ADAMTS13: variants seen among roughly 807,000 people sequenced by gnomAD.
ADAMTS13 encodes the protein ADAM metallopeptidase with thrombospondin type 1 motif 13, also known as A disintegrin and metalloproteinase with thrombospondin motifs 13.
A neutral mutation model predicts 155.1 loss-of-function variants in ADAMTS13; 110 were observed. That is an observed-to-expected ratio of 0.71 (90% CI 0.61 to 0.83). The LOEUF (loss-of-function observed/expected upper bound fraction) is 0.83, where lower values mean the gene tolerates loss of function less well. Ranked by LOEUF, ADAMTS13 falls within the 40% of genes least tolerant of loss-of-function variation. The probability of loss-of-function intolerance (pLI) is 0.00; values close to 1 mark genes in which losing one functional copy is unlikely to be tolerated. For missense variants in ADAMTS13, 1,707 were observed against 1,891.7 expected, an observed-to-expected ratio of 0.90 and a Z score of 1.81; for synonymous variants, 758 against 756.4, an observed-to-expected ratio of 1.00 and a Z score of -0.03.
Position 133,456,608 on chromosome 9 carries a change from A to T in ADAMTS13, c.3613A>T (p.Thr1205Ser), listed in dbSNP as rs1399414129. The change falls in exon 27 of 29, where the codon ACT becomes TCT. Residue 1205 changes from threonine to serine, a missense_variant. Thr to Ser is a moderately conservative substitution (Grantham distance 58, BLOSUM62 1). Transcript: ENST00000355699. The surrounding 1 kb of genome is among the most constrained non-coding windows in gnomAD (Gnocchi z 4.4). ...RKMCRKLLDM[T>S]FSSKTNTLVV... ...GATGTGCAGGAAGCTGTTGGACATG[A>T]CTTTCAGCTCCAAGACCAACACGCT... The T allele has an allele frequency of 6.2e-7, 1 of 1,612,888 alleles. No individual in the cohort carries two copies. Among genetic ancestry groups the T allele is most frequent in the East Asian group, 2.2e-5 (1 of 44,870 alleles).
chr9:133,435,170 G>GA (rs1248698411), intron 11 of ADAMTS13, among the ~76,000 whole-genome samples: 1 of 151,130 alleles, frequency 6.6e-6, no homozygotes, highest in Admixed American at 6.6e-5. Flanking sequence ...TATGGGAATT[G>GA]TATGTTTGAC....
intron 11 of ADAMTS13, among the ~76,000 whole-genome samples, chr9:133,435,205 T>C (rs1482283029): frequency 6.6e-6 from 1 of 151,306 alleles, no homozygotes; most frequent in African/African-American, 2.4e-5. Flanking sequence ...TTTTTTTTTT[T>C]GAGACAGAGT....
rs1564414135 is a variant in ADAMTS13, at chr9:133,429,995, GGCACCCGCCGGATGCGC to G, written c.882_898del (p.His295AlafsTer89). On this transcript the variant is annotated frameshift_variant, in exon 8 of 29. Transcript: ENST00000355699. LOFTEE classifies it high-confidence loss of function. ...CCGCGGCCTCAACCCGGGTCCGCGGGGCACCCGCCGGATGCGCAGCCTGGCCTCTACTACAGCGCCAA... is the reference window on the plus strand; with the variant it reads ...CCGCGGCCTCAACCCGGGTCCGCGGGAGCCTGGCCTCTACTACAGCGCCAA... 6.4e-7 allele frequency: 1 copy of G among 1,561,602 alleles called. No homozygotes were observed.
At chr9:133,422,115 C>T, upstream of ADAMTS13, 1 of 371,564 alleles carries the variant, frequency 2.7e-6, no homozygotes, top group South Asian at 4.5e-5. Context: ...GGTTTCTGGT[C>T]CAGTGTCCCT....
chr9:133,415,199 T>C (rs1554781298), intron 1 of ADAMTS13, among the ~76,000 whole-genome samples: 1 of 152,208 alleles, frequency 6.6e-6, no homozygotes, highest in Non-Finnish European at 1.5e-5. Context: ...CATGGGTCAC[T>C]TGTGGTGAAA....
At chr9:133,436,797 G>A (rs587684754) in intron 11 of ADAMTS13, 32 bp from the exon 12 acceptor site, 10 of 1,049,518 alleles carry the variant, frequency 9.5e-6, no homozygotes, top group Middle Eastern at 2.3e-4. Flanking sequence ...CCGCCCCACC[G>A]CCATCCCCCT....
Position 133,428,650 on chromosome 9 carries a change from G to A in ADAMTS13, c.703G>A (p.Asp235Asn), listed in dbSNP as rs281875337. The change falls in exon 7 of 29, where the codon GAC becomes AAC. Residue 235 changes from aspartate to asparagine, a missense_variant. By Grantham distance (23) the Asp-to-Asn change is conservative. This residue lies in a region of ADAMTS13 where 733 missense variants were observed against 749.6 expected (regional missense o/e 0.98). Transcript: ENST00000355699. Reference protein sequence around the residue: ...EIGHSFGLEHDGAPGSGCGPS... With the variant: ...EIGHSFGLEHNGAPGSGCGPS... ...CCCGACCAGCTTCGGCCTGGAGCAC[G>A]ACGGCGCGCCCGGCAGCGGCTGCGG... The A allele has an allele frequency of 2.3e-6, 3 of 1,315,864 alleles. No individual in the cohort carries two copies. The highest frequency in any genetic ancestry group is 2.9e-6 in the Non-Finnish European group (3 of 1,025,256). 81.5% of individuals were successfully genotyped at this position (1,315,864 alleles called of 1,614,324 possible).
chr9:133,416,304 C>A (rs1839597094), intron 1 of ADAMTS13, among the ~76,000 whole-genome samples: 1 of 152,208 alleles, frequency 6.6e-6, no homozygotes, highest in South Asian at 2.1e-4. Flanking sequence ...CATGAGGGAT[C>A]TACCCCCATG....
At chr9:133,443,266 G>A in intron 18 of ADAMTS13, 110 bp from the exon 19 acceptor site, 1 of 1,358,594 alleles carries the variant, frequency 7.4e-7, no homozygotes, top group Non-Finnish European at 1.0e-6. Flanking sequence ...GCTGGCCGTA[G>A]TGCCCATTGC....
chr9:133,424,302 TCTCCCTCTCCCC>T lies in ADAMTS13; in HGVS notation c.173-14_173-3del, dbSNP rs781838309. The T allele has an allele frequency of 3.1e-6, 5 of 1,610,518 alleles. No individual in the cohort carries two copies. The highest frequency in any genetic ancestry group is 4.2e-6 in the Non-Finnish European group (5 of 1,179,790). On this transcript the variant is annotated splice_region_variant and splice_polypyrimidine_tract_variant and intron_variant, in intron 2 of 28. Coordinates refer to ENST00000355699, the MANE Select transcript of ADAMTS13 (RefSeq NM_139027.6). This position sits in a 1 kb window ranked among gnomAD's most constrained non-coding sequence, Gnocchi z 4.3. ...GCTCTCTAGAACCATCGCCCTCTGC[TCTCCCTCTCCCC>T]CTCCAGGCCGCCCTCCTTCCCCTGG...
chr9:133,455,731 G>A, intron 25 of ADAMTS13: 1 of 1,293,094 alleles, frequency 7.7e-7, no homozygotes, highest in Non-Finnish European at 1.1e-6. Context: ...CGGGATCAGG[G>A]CTGGCCCTCT....
chr9:133,453,507 C>T (rs969055315), intron 23 of ADAMTS13, among the ~76,000 whole-genome samples: 4 of 151,008 alleles, frequency 2.6e-5, no homozygotes, highest in African/African-American at 4.9e-5. Flanking sequence ...ACAAAAATTA[C>T]AAAAATTAGC....
Position 133,449,912 on chromosome 9 carries a change from G to A in ADAMTS13, c.2991G>A (p.Gly997=), listed in dbSNP as rs1392605957. The A allele has an allele frequency of 1.9e-6, 3 of 1,612,898 alleles. No homozygotes were observed. The highest frequency in any genetic ancestry group is 2.7e-5 in the African/African-American group (2 of 74,920). ...EEILLDTQCQ[G]LPRPEPQEAC... ...TCCTGTTGGACACCCAGTGCCAGGG[G>A]CTGCCTCGCCCGGAACCCCAGGAGG... The change falls in exon 23 of 29, where the codon GGG becomes GGA. Residue 997 remains glycine, a synonymous_variant. Transcript: ENST00000355699.
At chr9:133,458,199 A>C in intron 28 of ADAMTS13, 105 bp downstream of exon 28, 1 of 1,329,232 alleles carries the variant, frequency 7.5e-7, no homozygotes, top group Non-Finnish European at 1.0e-6. Context: ...AAACCCTCAA[A>C]ATCATTAGTG....
rs149586801 is a variant in ADAMTS13, at chr9:133,428,784, C to T, written c.824+13C>T. ...TGAGCCTGCTCAGGTAGCGGCCGCC[C>T]CGTGGGAGGGGCGCGCGAGCCTCCA... is the stretch of plus-strand genomic sequence containing the variant. On this transcript the variant is annotated intron_variant, in intron 7 of 28. Coordinates refer to ENST00000355699, the MANE Select transcript of ADAMTS13 (RefSeq NM_139027.6). 6,913 of 1,312,080 alleles carry T rather than the reference C, an allele frequency of 5.3e-3. 457 individuals carry two copies. The East Asian group carries it at 0.17, about 32-fold the overall frequency. 81.3% of individuals were successfully genotyped at this position (1,312,080 alleles called of 1,614,324 possible).
chr9:133,418,474 C>A (rs967387013), upstream of ADAMTS13, among the ~76,000 whole-genome samples: 1 of 152,184 alleles, frequency 6.6e-6, no homozygotes, highest in South Asian at 2.1e-4. Context: ...TGTAGCAGGA[C>A]GAGCCGCAGA....
chr9:133,457,794 C>T, intron 27 of ADAMTS13, 116 bp from the exon 28 acceptor site: 2 of 1,375,676 alleles, frequency 1.5e-6, no homozygotes, highest in Non-Finnish European at 2.1e-6. Flanking sequence ...TGCCTGGGAA[C>T]CCCAATATTG....
At chr9:133,458,860 G>C in intron 28 of ADAMTS13, 114 bp from the exon 29 acceptor site, 1 of 979,556 alleles carries the variant, frequency 1.0e-6, no homozygotes. Flanking sequence ...TCCTAGTAGG[G>C]CTTTGTAAGC....
intron 8 of ADAMTS13, among the ~76,000 whole-genome samples, chr9:133,431,303 A>G (rs1554787373): frequency 6.7e-6 from 1 of 149,948 alleles, no homozygotes; most frequent in African/African-American, 2.5e-5. Flanking sequence ...TACAACATTA[A>G]TTTTGACCTG....
Sources: gnomAD v4.1 joint callset for allele counts (sites outside exome capture counted in the v4.1 genomes callset) on GRCh38, gnomAD v4.1.1 for gene constraint, gnomAD v4.1.1 regional missense constraint, Gnocchi (gnomAD v3.1) non-coding constraint, MANE v1.5 for transcripts, NCBI Gene and HGNC (gene_info 2026-07-23, HGNC 2026-07-21) for gene names.